MAP4K3: variants seen among roughly 807,000 people sequenced by gnomAD.
MAP4K3 encodes the protein mitogen-activated protein kinase kinase kinase kinase 3, also known as MAPK/ERK kinase kinase kinase 3.
In MAP4K3, 94 loss-of-function variants were observed where a neutral mutation model predicts 143.5. The observed-to-expected ratio is 0.65, with a 90% confidence interval of 0.55 to 0.78. The LOEUF is 0.78. MAP4K3 is among the 30% of genes least tolerant of loss of function. MAP4K3 has a pLI of 0.00. For synonymous variants in MAP4K3, 416 were observed against 347.2 expected (o/e 1.20, Z -2.20); for missense variants, 1,077 against 1,068.1 (o/e 1.01, Z -0.12).
intron 1 of MAP4K3, among the ~76,000 whole-genome samples, chr2:39,435,843 C>G (rs1426890140): frequency 6.6e-6 from 1 of 152,212 alleles, no homozygotes; most frequent in Non-Finnish European, 1.5e-5. Flanking sequence ...GAAAATCAGA[C>G]TAAAGCAGAA....
intron 17 of MAP4K3, 36 bp from the exon 18 acceptor site, chr2:39,292,862 G>A: frequency 6.4e-7 from 1 of 1,554,596 alleles, no homozygotes; most frequent in Non-Finnish European, 8.8e-7. Flanking sequence ...TTATTAAATG[G>A]ATTTTACCAA....
At chr2:39,363,668 C>CAAAAAAAA in intron 2 of MAP4K3, among the ~76,000 whole-genome samples, 2 of 83,734 alleles carry the variant, frequency 2.4e-5, no homozygotes, top group Middle Eastern at 8.5e-3. Flanking sequence ...GACTCTGTCT[C>CAAAAAAAA]AAAAAAAAAA....
chr2:39,340,985 C>T (rs569946747), intron 4 of MAP4K3, among the ~76,000 whole-genome samples: 2 of 151,980 alleles, frequency 1.3e-5, no homozygotes, highest in Admixed American at 6.6e-5. Context: ...AAGGAGAGAT[C>T]GCAGATTGGG....
At chr2:39,338,362 A>G (rs1035191470) in intron 4 of MAP4K3, among the ~76,000 whole-genome samples, 16 of 152,218 alleles carry the variant, frequency 1.1e-4, no homozygotes, top group African/African-American at 3.9e-4. Context: ...TTAGCCAGAT[A>G]GCTATAAAAT....
chr2:39,283,054 T>C (rs1209597230), intron 21 of MAP4K3, among the ~76,000 whole-genome samples: 1 of 152,220 alleles, frequency 6.6e-6, no homozygotes, highest in African/African-American at 2.4e-5. Context: ...ATTGTCAATA[T>C]TTTACTAGAA....
intron 12 of MAP4K3, among the ~76,000 whole-genome samples, chr2:39,324,278 G>A (rs1683414374): frequency 6.6e-6 from 1 of 151,920 alleles, no homozygotes; most frequent in African/African-American, 2.4e-5. Flanking sequence ...ATGGTGGTGG[G>A]CTCCTGTAAT....
intron 24 of MAP4K3, among the ~76,000 whole-genome samples, chr2:39,276,306 T>TC (rs1311886699): frequency 6.6e-6 from 1 of 152,230 alleles, no homozygotes; most frequent in East Asian, 1.9e-4. Context: ...TCCATCTTTC[T>TC]GTTACTGTCA....
intron 1 of MAP4K3, among the ~76,000 whole-genome samples, chr2:39,428,722 T>C (rs1047002665): frequency 6.6e-6 from 1 of 151,990 alleles, no homozygotes; most frequent in Non-Finnish European, 1.5e-5. Context: ...AATGGATATC[T>C]TTTTAAATAG....
At chr2:39,356,447 TAATG>T in intron 2 of MAP4K3, 108 bp from the exon 3 acceptor site, 1 of 641,808 alleles carries the variant, frequency 1.6e-6, no homozygotes, top group Non-Finnish European at 2.7e-6. Flanking sequence ...ATAACATAAT[TAATG>T]AGTTATAAAT....
intron 1 of MAP4K3, among the ~76,000 whole-genome samples, chr2:39,394,685 C>A (rs1558685397): frequency 6.6e-6 from 1 of 151,952 alleles, no homozygotes; most frequent in East Asian, 1.9e-4. Context: ...GCCAGACGGA[C>A]AGGAGAAAGA....
intron 2 of MAP4K3, among the ~76,000 whole-genome samples, chr2:39,368,024 T>C (rs1197474114): frequency 6.6e-6 from 1 of 152,130 alleles, no homozygotes; most frequent in African/African-American, 2.4e-5. Flanking sequence ...TATAAACCTG[T>C]TTGGTCTCCT....
intron 20 of MAP4K3, among the ~76,000 whole-genome samples, chr2:39,287,509 G>C (rs12992378): frequency 0.11 from 16,074 of 151,888 alleles, 1,165 homozygotes; most frequent in South Asian, 0.19. Flanking sequence ...CACCATGTTG[G>C]TCAGGCTGGT....
chr2:39,290,388 C>A, intron 18 of MAP4K3, 54 bp from the exon 19 acceptor site: 5 of 1,136,780 alleles, frequency 4.4e-6, no homozygotes, highest in Middle Eastern at 2.2e-4. Flanking sequence ...ATGAATCAAT[C>A]CTAAAATATA....
chr2:39,278,387 G>T lies in MAP4K3; in HGVS notation c.1794+20C>A. The T allele has an allele frequency of 1.4e-6, 2 of 1,398,318 alleles. No individual in the cohort carries two copies. The highest frequency in any genetic ancestry group is 9.8e-7 in the Non-Finnish European group (1 of 1,017,666). The allele number at this position is 1,398,318 out of a possible 1,614,324, so 86.6% of individuals were successfully genotyped here. The stretch of plus-strand genomic sequence containing the variant: ...GTAACTTAAAAATTAAAAAAAAAAA[G>T]AATATACAAAATAACATACCTGTTC... On this transcript the variant is annotated intron_variant, in intron 24 of 33. Coordinates refer to ENST00000263881, the MANE Select transcript of MAP4K3 (RefSeq NM_003618.4).
chr2:39,355,531 C>T (rs1026648013), intron 3 of MAP4K3, among the ~76,000 whole-genome samples: 4 of 151,852 alleles, frequency 2.6e-5, no homozygotes, highest in African/African-American at 9.7e-5. Flanking sequence ...GACTCTGTCC[C>T]GCCCCCACAA....
chr2:39,251,949 T>A, intron 32 of MAP4K3, 64 bp from the exon 33 acceptor site: 1 of 983,732 alleles, frequency 1.0e-6, no homozygotes, highest in Non-Finnish European at 1.6e-6. Context: ...AATGGGCACT[T>A]CATTATAATT....
intron 2 of MAP4K3, among the ~76,000 whole-genome samples, chr2:39,372,192 CAAATA>C (rs1306152538): frequency 2.0e-5 from 3 of 150,538 alleles, no homozygotes; most frequent in South Asian, 2.1e-4. Flanking sequence ...ACAATAGCTA[CAAATA>C]AAATAAAATA....
intron 26 of MAP4K3, among the ~76,000 whole-genome samples, chr2:39,270,057 T>A (rs1004495973): frequency 1.3e-5 from 2 of 152,140 alleles, no homozygotes; most frequent in African/African-American, 4.8e-5. Flanking sequence ...AGTTTAATGT[T>A]CCTGTCCACA....
chr2:39,371,844 T>C (rs1666089658), intron 2 of MAP4K3, among the ~76,000 whole-genome samples: 1 of 151,216 alleles, frequency 6.6e-6, no homozygotes, highest in African/African-American at 2.4e-5. Flanking sequence ...TACGTATACA[T>C]ACACACACAT....
Sources: allele counts gnomAD v4.1 joint callset (sites outside exome capture counted in the v4.1 genomes callset), GRCh38; gene constraint gnomAD v4.1.1; transcripts MANE v1.5; gene names NCBI Gene and HGNC (gene_info 2026-07-23, HGNC 2026-07-21).